SLCO2A1: variants seen among roughly 807,000 people sequenced by gnomAD.
The protein encoded by SLCO2A1 is matrin F/G 1.
A neutral mutation model predicts 71.7 loss-of-function variants in SLCO2A1; 60 were observed. The ratio of observed to expected loss-of-function variants is 0.84; its 90% CI spans 0.68 to 1.04. SLCO2A1 has a LOEUF of 1.04. Among genes scored for constraint, SLCO2A1 ranks in the 50% least tolerant of loss-of-function variants. SLCO2A1 has a pLI of 0.00. For missense variants in SLCO2A1, 745 were observed against 813.4 expected (o/e 0.92, Z 1.02); for synonymous variants, 308 against 326.7 (o/e 0.94, Z 0.62).
chr3:133,943,647 T>G (rs906983366), intron 10 of SLCO2A1, among the ~76,000 whole-genome samples: 1 of 152,204 alleles, frequency 6.6e-6, no homozygotes, highest in Non-Finnish European at 1.5e-5. Flanking sequence ...GTTTTTGTCT[T>G]GAGGTATGTA....
chr3:133,993,856 A>G (rs1391418744), intron 1 of SLCO2A1, among the ~76,000 whole-genome samples: 2 of 152,162 alleles, frequency 1.3e-5, no homozygotes, highest in Non-Finnish European at 2.9e-5. Context: ...ATAGGATGGG[A>G]TGTCAATATT....
rs769243870 is a variant in SLCO2A1, at chr3:134,029,803, G to A, written c.-1C>T. ...CGCCGAGCTTGGGCAGGAGCCCCAT[G>A]GCTGCGGGCGGCTGGCCGGGCGCGG... On this transcript the variant is annotated 5_prime_UTR_variant, in exon 1 of 14. Transcript: ENST00000310926. The A allele has an allele frequency of 2.1e-6, 3 of 1,442,348 alleles. No homozygotes were observed. The highest frequency in any genetic ancestry group is 2.7e-6 in the Non-Finnish European group (3 of 1,100,628). The allele number at this position is 1,442,348 out of a possible 1,614,324, so 89.3% of individuals were successfully genotyped here. A position where few individuals can be genotyped will look rare whatever the true frequency, so the allele number is the denominator to read the frequency against.
chr3:133,965,048 C>T (rs899259589), intron 3 of SLCO2A1, among the ~76,000 whole-genome samples: 2 of 152,150 alleles, frequency 1.3e-5, no homozygotes, highest in Admixed American at 6.5e-5. Context: ...AATTAGTACT[C>T]CCCCACCCTG....
intron 1 of SLCO2A1, among the ~76,000 whole-genome samples, chr3:134,010,751 C>CA (rs57260052): frequency 7.2e-4 from 51 of 70,878 alleles, no homozygotes; most frequent in African/African-American, 2.1e-3. Context: ...AGACTCTGTC[C>CA]AAAAAAAAAA....
At chr3:133,943,996 C>T (rs1182100292) in intron 10 of SLCO2A1, among the ~76,000 whole-genome samples, 5 of 152,250 alleles carry the variant, frequency 3.3e-5, no homozygotes, top group Non-Finnish European at 7.3e-5. Context: ...CCTGGCCTGC[C>T]TGGCTCTGGC....
At chr3:133,949,248 T>C (rs887102474) in intron 6 of SLCO2A1, 2 of 432,662 alleles carry the variant, frequency 4.6e-6, no homozygotes, top group African/African-American at 2.0e-5. Context: ...AACTTTCCTA[T>C]GACTGTTGCC....
At position 133,947,416 on chromosome 3, in the gene SLCO2A1, C is replaced by A; in HGVS notation, c.1135G>T (p.Gly379Trp). The change falls in exon 9 of 14, where the codon GGG becomes TGG. Residue 379 changes from glycine (G) to tryptophan (W), a missense_variant. Gly to Trp is a radical substitution (Grantham distance 184). Coordinates refer to ENST00000310926, the MANE Select transcript of SLCO2A1 (RefSeq NM_005630.3). ...GAVNLPAAALGMLFGGILMKR... is the reference protein window; with the variant it reads ...GAVNLPAAALWMLFGGILMKR... ...ATGAGGATTCCTCCAAACAGCATCCCCAAGGCTGCAGCAGGGAGGTTCACA... is the reference window on the plus strand; with the variant it reads ...ATGAGGATTCCTCCAAACAGCATCCACAAGGCTGCAGCAGGGAGGTTCACA... 1 of 1,613,822 alleles carries A rather than the reference C, an allele frequency of 6.2e-7. No individual in the cohort carries two copies. Among genetic ancestry groups the A allele is most frequent in the Non-Finnish European group, 8.5e-7 (1 of 1,179,916 alleles).
chr3:133,949,903 C>T (rs1166815474), intron 6 of SLCO2A1, among the ~76,000 whole-genome samples: 1 of 152,170 alleles, frequency 6.6e-6, no homozygotes, highest in African/African-American at 2.4e-5. Flanking sequence ...TCATAGCTCA[C>T]TGCAGCCTCG....
In SLCO2A1 at chr3:134,005,983, T is replaced by A. The variant is rs546418767; in HGVS notation, c.96+23724A>T. On this transcript the variant is annotated intron_variant, in intron 1 of 13. Coordinates refer to ENST00000310926, the MANE Select transcript of SLCO2A1 (RefSeq NM_005630.3). ...TTTGTCTTAGAAGGTATATTCAATGTCTTTTGTCTTAATGATTACCCACAT... is the reference window on the plus strand; with the variant it reads ...TTTGTCTTAGAAGGTATATTCAATGACTTTTGTCTTAATGATTACCCACAT... 2.0e-4 allele frequency among the ~76,000 whole-genome samples: 30 copies of A among 152,294 alleles called. No homozygotes were observed. The South Asian group carries it at 5.8e-3, about 30-fold the overall frequency.
intron 1 of SLCO2A1, among the ~76,000 whole-genome samples, chr3:134,004,147 T>G (rs1935157851): frequency 6.6e-6 from 1 of 151,808 alleles, no homozygotes; most frequent in South Asian, 2.1e-4. Context: ...TCTTCTACTG[T>G]CTCTGGTTTG....
At chr3:134,027,003 T>G (rs1935711961) in intron 1 of SLCO2A1, among the ~76,000 whole-genome samples, 1 of 152,208 alleles carries the variant, frequency 6.6e-6, no homozygotes, top group Non-Finnish European at 1.5e-5. Flanking sequence ...ACTGCTCCCT[T>G]GTTTGCTACC....
chr3:133,969,346 C>G (rs1261274342), intron 3 of SLCO2A1, among the ~76,000 whole-genome samples: 1 of 152,102 alleles, frequency 6.6e-6, no homozygotes, highest in African/African-American at 2.4e-5. Context: ...AGGGGAATTG[C>G]TTGAGCCTGG....
At chr3:134,022,741 T>G (rs1935617330) in intron 1 of SLCO2A1, among the ~76,000 whole-genome samples, 1 of 152,212 alleles carries the variant, frequency 6.6e-6, no homozygotes, top group African/African-American at 2.4e-5. Context: ...TTAGCTTATC[T>G]GGTGTAAAAA....
intron 3 of SLCO2A1, among the ~76,000 whole-genome samples, chr3:133,961,330 G>T (rs1340575614): frequency 2.0e-5 from 3 of 152,122 alleles, no homozygotes; most frequent in Non-Finnish European, 4.4e-5. Context: ...GGCATGACAT[G>T]AGAAACATCA....
intron 1 of SLCO2A1, among the ~76,000 whole-genome samples, chr3:134,009,362 C>T (rs999882505): frequency 6.6e-6 from 1 of 152,140 alleles, no homozygotes; most frequent in Non-Finnish European, 1.5e-5. Flanking sequence ...ATGAACTCTT[C>T]CCCCAAATTT....
chr3:133,979,894 A>G (rs1934547827), intron 1 of SLCO2A1, among the ~76,000 whole-genome samples: 1 of 152,176 alleles, frequency 6.6e-6, no homozygotes, highest in African/African-American at 2.4e-5. Flanking sequence ...TGTTGAAGAT[A>G]TGACAGGGTT....
In SLCO2A1 at chr3:133,982,147, A is replaced by G. The variant is rs183595653; in HGVS notation, c.97-2529T>C. On this transcript the variant is annotated intron_variant, in intron 1 of 13. Coordinates refer to ENST00000310926, the MANE Select transcript of SLCO2A1 (RefSeq NM_005630.3). Reference sequence around the variant, plus strand: ...ACAGTGATGGGGATGGGATTTGTCAACGTTCTGTCATTTTCCATGGAAACA... The same window carrying G: ...ACAGTGATGGGGATGGGATTTGTCAGCGTTCTGTCATTTTCCATGGAAACA... 7.9e-5 allele frequency among the ~76,000 whole-genome samples: 12 copies of G among 152,302 alleles called. No homozygotes were observed. The East Asian group carries it at 1.7e-3, about 22-fold the overall frequency.
intron 10 of SLCO2A1, among the ~76,000 whole-genome samples, chr3:133,944,640 C>G (rs1933516177): frequency 1.3e-5 from 2 of 152,204 alleles, no homozygotes; most frequent in South Asian, 2.1e-4. Context: ...CACCTGGGAG[C>G]TGAGGGGTTG....
At chr3:133,939,389 C>T (rs915014008) in intron 11 of SLCO2A1, among the ~76,000 whole-genome samples, 1 of 152,142 alleles carries the variant, frequency 6.6e-6, no homozygotes, top group Non-Finnish European at 1.5e-5. Context: ...CTCCAGGACT[C>T]TCTGTGCTCT....
Sources: gnomAD v4.1 joint callset for allele counts (sites outside exome capture counted in the v4.1 genomes callset) on GRCh38, gnomAD v4.1.1 for gene constraint, MANE v1.5 for transcripts, NCBI Gene and HGNC (gene_info 2026-07-23, HGNC 2026-07-21) for gene names.